Variants in BDH1 observed in about 807,000 individuals in gnomAD.
BDH1 encodes D-beta-hydroxybutyrate dehydrogenase, mitochondrial.
A neutral mutation model predicts 33.1 loss-of-function variants in BDH1; 30 were observed. The observed-to-expected ratio is 0.91, with a 90% CI of 0.68 to 1.23. The LOEUF is 1.23. Ranked by LOEUF, BDH1 falls within the 50% of genes most tolerant of loss-of-function variation. BDH1 has a pLI of 0.00. For missense variants in BDH1, 443 were observed against 464.4 expected, an observed-to-expected ratio of 0.95 and a Z score of 0.42; for synonymous variants, 190 against 183.6, an observed-to-expected ratio of 1.03 and a Z score of -0.28.
chr3:197,566,982 C>G (rs988458468), intron 1 of BDH1, among the ~76,000 whole-genome samples: 11 of 152,164 alleles, frequency 7.2e-5, no homozygotes, highest in Admixed American at 5.2e-4. Flanking sequence ...TCATACCTAC[C>G]TACTGATGTA....
At chr3:197,559,833 T>C (rs1402115826), upstream of BDH1, among the ~76,000 whole-genome samples, 1 of 152,240 alleles carries the variant, frequency 6.6e-6, no homozygotes, top group Non-Finnish European at 1.5e-5. Context: ...ACCTTCAACC[T>C]TTCCCCACCT....
chr3:197,559,322 A>G (rs776635965), upstream of BDH1, among the ~76,000 whole-genome samples: 72 of 151,898 alleles, frequency 4.7e-4, no homozygotes, highest in Non-Finnish European at 7.4e-5. Context: ...TAATAATTGG[A>G]CTCTAAATGA....
rs1019826587 is a variant in BDH1, at chr3:197,525,913, C to T, written c.268-3132G>A. 2.0e-5 allele frequency among the ~76,000 whole-genome samples: 3 copies of T among 152,162 alleles called. No homozygotes were observed. Among genetic ancestry groups the T allele is most frequent in the African/African-American group, 4.8e-5 (2 of 41,428 alleles). On this transcript the variant is annotated intron_variant, in intron 5 of 7. Transcript: ENST00000392379. This position sits in a 1 kb window ranked among gnomAD's most constrained non-coding sequence, Gnocchi z 4.9. ...TGCTCCCTCTGCTGGTCTCCGTGCT[C>T]CCTCTGCAGGTCTCTGGAGTCTCTG...
In BDH1 at chr3:197,554,742, T is replaced by A. The variant is rs912086423; in HGVS notation, c.-195-29A>T. 6.7e-6 allele frequency: 1 copy of A among 148,514 alleles called. No homozygotes were observed. The highest frequency in any genetic ancestry group is 1.5e-5 in the Non-Finnish European group (1 of 67,418). The allele number at this position is 148,514 out of a possible 1,614,324, so 9.2% of individuals were successfully genotyped here. ...GAAAAGAAAAAAAAAAAACGCGGAG[T>A]TCGACGCCGCGCGCAGCACCAAACA... is the stretch of plus-strand genomic sequence containing the variant. On this transcript the variant is annotated intron_variant, in intron 1 of 7. Transcript: ENST00000392379. The surrounding 1 kb of genome is among the most constrained non-coding windows in gnomAD (Gnocchi z 4.4).
chr3:197,532,681 T>A (rs1579936178), intron 4 of BDH1, among the ~76,000 whole-genome samples, 159 bp from the exon 5 acceptor site: 1 of 152,292 alleles, frequency 6.6e-6, no homozygotes, highest in East Asian at 1.9e-4. Flanking sequence ...CACCATGGTA[T>A]AGTGGAAAGG....
At chr3:197,553,255 G>A (rs1716715234) in intron 2 of BDH1, among the ~76,000 whole-genome samples, 1 of 150,820 alleles carries the variant, frequency 6.6e-6, no homozygotes, top group Non-Finnish European at 1.5e-5. Context: ...TTTTGGCTGG[G>A]TGTGGTGGCT....
At chr3:197,537,043 C>T (rs1013249085) in intron 3 of BDH1, among the ~76,000 whole-genome samples, 2 of 152,084 alleles carry the variant, frequency 1.3e-5, no homozygotes, top group Middle Eastern at 3.4e-3. Flanking sequence ...GGCTGGAGTG[C>T]GGTAGCATGA....
rs1176532318 is a variant in BDH1 at position 197,516,710 on chromosome 3, C to G, written c.410-2294G>C. 6.6e-6 allele frequency among the ~76,000 whole-genome samples: 1 copy of G among 152,084 alleles called. No homozygotes were observed. The highest frequency in any genetic ancestry group is 1.5e-5 in the Non-Finnish European group (1 of 68,000). On this transcript the variant is annotated intron_variant, in intron 6 of 7. Coordinates refer to ENST00000392379, the MANE Select transcript of BDH1 (RefSeq NM_203314.3). The surrounding 1 kb of genome is among the most constrained non-coding windows in gnomAD (Gnocchi z 4.2). Reference sequence around the variant, plus strand: ...AGTTTCCAAGCTGCCCAAGCCTGCTCCTCCTCTTTGTTAATGATTTTACTT... The same window carrying G: ...AGTTTCCAAGCTGCCCAAGCCTGCTGCTCCTCTTTGTTAATGATTTTACTT...
At chr3:197,543,654 T>C (rs997994421) in intron 3 of BDH1, among the ~76,000 whole-genome samples, 2 of 152,252 alleles carry the variant, frequency 1.3e-5, no homozygotes, top group South Asian at 2.1e-4. Flanking sequence ...TACTGGGTGA[T>C]GCCTGCTCTG....
intron 2 of BDH1, among the ~76,000 whole-genome samples, chr3:197,550,057 G>A (rs1053538763): frequency 6.6e-6 from 1 of 151,388 alleles, no homozygotes; most frequent in African/African-American, 2.4e-5. Flanking sequence ...GCTATACGTG[G>A]GAGCTTCCTT....
intron 3 of BDH1, among the ~76,000 whole-genome samples, chr3:197,544,871 AC>A (rs1187203467): frequency 6.6e-6 from 1 of 152,190 alleles, no homozygotes; most frequent in African/African-American, 2.4e-5. Context: ...ACATGGCAAA[AC>A]CCCATCTCTA....
In BDH1 at chr3:197,546,129, C is replaced by T. The variant is rs187880251; in HGVS notation, c.83+232G>A. ...TCCAGCCTGGCAACAGAGTGAGACT[C>T]CATCAAAAAGAAAAAAAAATAAGTG... On this transcript the variant is annotated intron_variant, in intron 3 of 7. Coordinates refer to ENST00000392379, the MANE Select transcript of BDH1 (RefSeq NM_203314.3). The T allele has an allele frequency of 9.7e-3, 4,281 of 440,170 alleles. 41 individuals carry two copies. Among genetic ancestry groups the T allele is most frequent in the Non-Finnish European group, 0.014 (3,346 of 243,384 alleles). 27.3% of individuals were successfully genotyped at this position (440,170 alleles called of 1,614,324 possible).
intron 3 of BDH1, among the ~76,000 whole-genome samples, chr3:197,535,509 C>A (rs148594909): frequency 4.6e-5 from 7 of 152,326 alleles, no homozygotes; most frequent in African/African-American, 1.7e-4. Flanking sequence ...CCTTCAGGAT[C>A]TCAGTGTCCT....
rs767131775 is a variant in BDH1, at chr3:197,512,271, G to T, written c.656C>A (p.Ser219Ter). The T allele has an allele frequency of 1.9e-6, 3 of 1,613,006 alleles. No homozygotes were observed. The highest frequency in any genetic ancestry group is 1.1e-5 in the South Asian group (1 of 91,086). Residue 219 changes from serine (S) to a stop codon, truncating the protein, a stop_gained, in exon 8 of 8, where the codon TCG (serine) becomes TAG (stop). Coordinates refer to ENST00000392379, the MANE Select transcript of BDH1 (RefSeq NM_203314.3). LOFTEE classifies it high-confidence loss of function. ...GTACATCTCATAGCGCAGGCAGTCC[G>T]AGAAAGCCTCTACCCCGAACTTGGT... Reference protein sequence around the residue: ...CITKFGVEAFSDCLRYEMYPL... With the variant: ...CITKFGVEAF
At chr3:197,513,266 C>T (rs547661396) in intron 7 of BDH1, among the ~76,000 whole-genome samples, 15 of 152,204 alleles carry the variant, frequency 9.9e-5, no homozygotes, top group East Asian at 7.7e-4. Flanking sequence ...GAAGCCGAGG[C>T]GGATCTGGGA....
upstream of BDH1, among the ~76,000 whole-genome samples, chr3:197,560,555 C>T (rs1430358775): frequency 6.6e-6 from 1 of 152,170 alleles, no homozygotes; most frequent in East Asian, 1.9e-4. Context: ...TATAAATGAC[C>T]CCGTCTGCTT....
chr3:197,572,756 A>T (rs188395911), intron 1 of BDH1, among the ~76,000 whole-genome samples: 234 of 152,252 alleles, frequency 1.5e-3, no homozygotes, highest in South Asian at 4.8e-3. Flanking sequence ...AAATAAACAA[A>T]CAATTTTGAA....
At chr3:197,524,375 A>G (rs527389669) in intron 5 of BDH1, among the ~76,000 whole-genome samples, 2 of 152,350 alleles carry the variant, frequency 1.3e-5, no homozygotes, top group South Asian at 4.1e-4. Flanking sequence ...AGCACTTGTC[A>G]GGGGTGGAAA....
At chr3:197,556,200 A>C (rs761142369), upstream of BDH1, among the ~76,000 whole-genome samples, 1 of 152,180 alleles carries the variant, frequency 6.6e-6, no homozygotes, top group Non-Finnish European at 1.5e-5. Context: ...AGGGAGATGG[A>C]GCCAGGTGCG....
Sources: allele counts gnomAD v4.1 joint callset (sites outside exome capture counted in the v4.1 genomes callset), GRCh38; gene constraint gnomAD v4.1.1; non-coding constraint Gnocchi (gnomAD v3.1); transcripts MANE v1.5; gene names NCBI Gene and HGNC (gene_info 2026-07-23, HGNC 2026-07-21).